Variants in SYNE2 observed in about 807,000 individuals in gnomAD.
SYNE2 encodes the protein nesprin-2.
A neutral mutation model predicts 856.3 loss-of-function variants in SYNE2; 431 were observed. The ratio of observed to expected loss-of-function variants is 0.50; its 90% CI spans 0.47 to 0.55. SYNE2 has a LOEUF of 0.55. Among genes scored for constraint, SYNE2 ranks in the 20% least tolerant of loss-of-function variants. The pLI is 0.00. For missense variants in SYNE2, 8,129 were observed against 8,023.2 expected (o/e 1.01, Z -0.50); for synonymous variants, 2,923 against 2,872.3 (o/e 1.02, Z -0.56).
At chr14:63,807,639 T>C (rs1026929126) in intron 1 of SYNE2, among the ~76,000 whole-genome samples, 4 of 147,818 alleles carry the variant, frequency 2.7e-5, no homozygotes, top group African/African-American at 9.8e-5. Context: ...GGTCTGCTCT[T>C]GGTAAGTGAT....
At chr14:63,938,054 G>A (rs539107353) in intron 2 of SYNE2, among the ~76,000 whole-genome samples, 4 of 152,258 alleles carry the variant, frequency 2.6e-5, no homozygotes, top group South Asian at 4.1e-4. Context: ...GTATGACCAC[G>A]ACAGCAAGGT....
At chr14:63,894,762 C>T (rs1030312629) in intron 1 of SYNE2, among the ~76,000 whole-genome samples, 4 of 152,140 alleles carry the variant, frequency 2.6e-5, no homozygotes, top group African/African-American at 7.2e-5. Flanking sequence ...TTCATTATGG[C>T]CCTCACTACG....
At chr14:64,193,130 A>T (rs529182063) in intron 99 of SYNE2, among the ~76,000 whole-genome samples, 1 of 152,220 alleles carries the variant, frequency 6.6e-6, no homozygotes, top group Non-Finnish European at 1.5e-5. Context: ...TGGCGACAAG[A>T]ACCTGCTCTG....
intron 96 of SYNE2, among the ~76,000 whole-genome samples, chr14:64,178,049 G>A (rs1281524611): frequency 3.3e-5 from 5 of 152,172 alleles, no homozygotes; most frequent in African/African-American, 1.2e-4. Flanking sequence ...GCAACTCCCT[G>A]CATCTCTTTT....
chr14:63,796,090 T>A (rs1394263262), intron 1 of SYNE2, among the ~76,000 whole-genome samples: 3 of 152,186 alleles, frequency 2.0e-5, no homozygotes, highest in African/African-American at 7.2e-5. Flanking sequence ...AGCTAATAAG[T>A]AGCAAGCCAG....
intron 61 of SYNE2, among the ~76,000 whole-genome samples, chr14:64,096,936 T>C (rs921981151): frequency 6.6e-6 from 1 of 152,166 alleles, no homozygotes; most frequent in Non-Finnish European, 1.5e-5. Flanking sequence ...AGGAACAAAT[T>C]TCAAACACAT....
chr14:64,215,350 T>C lies in SYNE2; in HGVS notation c.19398T>C (p.Ser6466=). The C allele has an allele frequency of 1.2e-6, 2 of 1,614,112 alleles. No individual in the cohort carries two copies. Among genetic ancestry groups the C allele is most frequent in the Non-Finnish European group, 1.7e-6 (2 of 1,180,020 alleles). The change falls in exon 107 of 116, where the codon TCT becomes TCC. Residue 6466 remains serine (S), a synonymous_variant. Transcript: ENST00000555002. ...LKMTTKTLKA[S]SGKSISDGHS... ...TGACCACAAAAACTTTGAAAGCGTCTTCTGGTAGGCCCCCGCCCATGCATG... is the reference window on the plus strand; with the variant it reads ...TGACCACAAAAACTTTGAAAGCGTCCTCTGGTAGGCCCCCGCCCATGCATG...
chr14:64,042,941 C>T lies in SYNE2; in HGVS notation c.7222-5059C>T, dbSNP rs140386034. 3.0e-4 allele frequency among the ~76,000 whole-genome samples: 45 copies of T among 152,206 alleles called. 1 individual carries two copies. The East Asian group carries it at 7.7e-3, about 26-fold the overall frequency. ...ACAGTTTGGAGGGCTCAGAAGAAGA[C>T]AGGAAAATGTGGGAAAGTTTGGAAC... On this transcript the variant is annotated intron_variant, in intron 45 of 115. Transcript: ENST00000555002.
chr14:63,973,672 G>T (rs1215224750), intron 11 of SYNE2, among the ~76,000 whole-genome samples: 1 of 142,782 alleles, frequency 7.0e-6, no homozygotes, highest in East Asian at 2.1e-4. Context: ...AATTATCTTT[G>T]CCATATGCCT....
chr14:63,993,999 C>A (rs576184617), intron 22 of SYNE2, 30 bp downstream of exon 22: 1 of 1,610,578 alleles, frequency 6.2e-7, no homozygotes, highest in Non-Finnish European at 8.5e-7. Context: ...TCTGAACTTA[C>A]GTTTTTATAT....
At chr14:63,976,227 G>C (rs1304411728) in intron 11 of SYNE2, among the ~76,000 whole-genome samples, 1 of 152,192 alleles carries the variant, frequency 6.6e-6, no homozygotes, top group Non-Finnish European at 1.5e-5. Flanking sequence ...TCAAATGATG[G>C]TCATTCAGTA....
At chr14:63,895,509 T>TAA (rs2095233229) in intron 1 of SYNE2, among the ~76,000 whole-genome samples, 1 of 150,626 alleles carries the variant, frequency 6.6e-6, no homozygotes, top group African/African-American at 2.4e-5. Flanking sequence ...ATCCTAGCAC[T>TAA]TTGGAGGCCA....
chr14:63,915,105 A>G (rs1460490505), intron 2 of SYNE2, among the ~76,000 whole-genome samples: 2 of 152,218 alleles, frequency 1.3e-5, no homozygotes, highest in Non-Finnish European at 2.9e-5. Flanking sequence ...ATGAGGCAAG[A>G]TAGCATCAAA....
At chr14:64,151,250 G>A (rs74697117) in intron 84 of SYNE2, among the ~76,000 whole-genome samples, 5 of 151,710 alleles carry the variant, frequency 3.3e-5, no homozygotes, top group East Asian at 1.9e-4. Flanking sequence ...GGCTCCTCAC[G>A]TGGTAATCTG....
At chr14:64,202,271 G>C in intron 99 of SYNE2, 1 of 702,330 alleles carries the variant, frequency 1.4e-6, no homozygotes, top group Non-Finnish European at 2.6e-6. Context: ...AAGCGGTAGG[G>C]CTTGGCACAT....
rs777212853 is a variant in SYNE2, at chr14:64,027,774, G to A, written c.6695G>A (p.Ser2232Asn). Residue 2232 changes from serine (S) to asparagine (N), a missense_variant, in exon 43 of 116, where the codon AGT (serine) becomes AAT (asparagine). Transcript: ENST00000555002. ...CTGGAAATAAAGCATCTACACGAAA[G>A]TCTTCTTCAACAACTGCAGGTGAGG... ...PWLEIKHLHE[S>N]LLQQLQDSVQ... The A allele has an allele frequency of 1.2e-6, 2 of 1,613,984 alleles. No individual in the cohort carries two copies. The highest frequency in any genetic ancestry group is 2.7e-5 in the African/African-American group (2 of 74,912).
intron 8 of SYNE2, among the ~76,000 whole-genome samples, chr14:63,957,549 T>G (rs1271904092): frequency 6.6e-6 from 1 of 152,016 alleles, no homozygotes; most frequent in Admixed American, 6.6e-5. Flanking sequence ...ATTACAGATG[T>G]GAGCCACCAC....
In SYNE2 at chr14:64,129,765, T is replaced by G. The variant is rs768889601; in HGVS notation, c.14020-17T>G. 6 of 1,613,888 alleles carry G rather than the reference T, an allele frequency of 3.7e-6. No homozygotes were observed. In the Admixed American group the frequency reaches 8.3e-5, roughly 22 times the overall value. Reference sequence around the variant, plus strand: ...CTTACTGAAGGGTTTTCTTTTCTTGTATTGTCTCTCACTTAGAAAGCAGAT... The same window carrying G: ...CTTACTGAAGGGTTTTCTTTTCTTGGATTGTCTCTCACTTAGAAAGCAGAT... On this transcript the variant is annotated splice_polypyrimidine_tract_variant and intron_variant, in intron 74 of 115. Transcript: ENST00000555002.
chr14:64,134,249 T>C (rs1394427117), intron 78 of SYNE2, 49 bp downstream of exon 78: 22 of 1,600,730 alleles, frequency 1.4e-5, no homozygotes, highest in Non-Finnish European at 1.8e-5. Flanking sequence ...TAGCACTTTG[T>C]GTTTTACATT....
Sources: allele counts gnomAD v4.1 joint callset (sites outside exome capture counted in the v4.1 genomes callset), GRCh38; gene constraint gnomAD v4.1.1; transcripts MANE v1.5; gene names NCBI Gene and HGNC (gene_info 2026-07-23, HGNC 2026-07-21).